The following EYS variants were observed in gnomAD, a reference collection of about 807,000 sequenced individuals.
The protein encoded by EYS is protein eyes shut homolog.
A neutral mutation model predicts 282.1 loss-of-function variants in EYS; 250 were observed. The observed-to-expected ratio is 0.89, with a 90% CI of 0.80 to 0.98. The LOEUF (loss-of-function observed/expected upper bound fraction) is 0.98. Among genes scored for constraint, EYS ranks in the 50% least tolerant of loss-of-function variants. The pLI, the probability that EYS is intolerant of heterozygous loss-of-function variation, is 0.00. For synonymous variants in EYS, 1,355 were observed against 1,282.9 expected (o/e 1.06, Z -1.20); for missense variants, 4,016 against 3,709.0 (o/e 1.08, Z -2.15).
intron 26 of EYS, among the ~76,000 whole-genome samples, chr6:64,473,538 C>T (rs1327706277): frequency 6.6e-6 from 1 of 152,004 alleles, no homozygotes; most frequent in East Asian, 1.9e-4. Flanking sequence ...AATCTTTAAG[C>T]CATTTACAAA....
chr6:63,725,416 C>T (rs959830290), intron 42 of EYS, among the ~76,000 whole-genome samples: 2 of 152,114 alleles, frequency 1.3e-5, no homozygotes, highest in Admixed American at 6.5e-5. Context: ...TTTCTGCCCT[C>T]TTACATAGGT....
At chr6:64,947,392 G>A (rs141972672) in intron 14 of EYS, among the ~76,000 whole-genome samples, 42 of 151,890 alleles carry the variant, frequency 2.8e-4, no homozygotes, top group African/African-American at 1.0e-3. Context: ...CTGTGCTTTG[G>A]TTGAACAGGG....
At chr6:65,653,153 T>G (rs1382283279) in intron 1 of EYS, among the ~76,000 whole-genome samples, 1 of 151,926 alleles carries the variant, frequency 6.6e-6, no homozygotes, top group African/African-American at 2.4e-5. Context: ...AAATACCCTG[T>G]GTTTTCTATT....
chr6:64,041,309 A>G (rs371309570), intron 33 of EYS, among the ~76,000 whole-genome samples: 1 of 152,168 alleles, frequency 6.6e-6, no homozygotes, highest in Admixed American at 6.5e-5. Flanking sequence ...GTAGACTAAA[A>G]TAGTTGCAGT....
In EYS at chr6:64,945,805, T is replaced by C; in HGVS notation, c.2369A>G (p.Tyr790Cys). The C allele has an allele frequency of 2.6e-6, 4 of 1,549,416 alleles. No homozygotes were observed. Among genetic ancestry groups the C allele is most frequent in the Non-Finnish European group, 3.5e-6 (4 of 1,145,576 alleles). ...ATATGTTACTCACCGATAGCTTTTG[T>C]AAAGGTCAGTACAGGTGGAATTGTT... is the stretch of plus-strand genomic sequence containing the variant. The part of the protein sequence containing the change: ...CKNNSTCTDL[Y>C]KSYRCECTSG... The change falls in exon 15 of 43, where the codon TAC becomes TGC. Residue 790 changes from tyrosine (Y) to cysteine (C), a missense_variant. Physicochemically the swap from Tyr to Cys is radical, Grantham distance 194. Coordinates refer to ENST00000503581, the MANE Select transcript of EYS (RefSeq NM_001142800.2).
intron 2 of EYS, among the ~76,000 whole-genome samples, chr6:65,599,098 C>T (rs1765522540): frequency 6.6e-6 from 1 of 151,992 alleles, no homozygotes; most frequent in East Asian, 1.9e-4. Flanking sequence ...TTGTGGAAAT[C>T]ATGGACAAAA....
At chr6:64,890,528 AG>A (rs1174969930) in intron 18 of EYS, among the ~76,000 whole-genome samples, 3 of 152,136 alleles carry the variant, frequency 2.0e-5, no homozygotes, top group Non-Finnish European at 4.4e-5. Context: ...AAAATAGAAA[AG>A]AACCTACGTG....
intron 35 of EYS, among the ~76,000 whole-genome samples, chr6:63,926,800 G>GCT (rs766421837): frequency 5.9e-4 from 90 of 152,296 alleles, no homozygotes; most frequent in Non-Finnish European, 1.0e-3. Context: ...GTTACTTATT[G>GCT]CTGTCATTAC....
intron 22 of EYS, among the ~76,000 whole-genome samples, chr6:64,680,462 CTG>C (rs1167474231): frequency 5.9e-5 from 9 of 152,298 alleles, no homozygotes; most frequent in Non-Finnish European, 7.3e-5. Flanking sequence ...TTCCAGCTGA[CTG>C]TGTTGGAATC....
chr6:65,268,665 C>T (rs1274760909), intron 12 of EYS, among the ~76,000 whole-genome samples: 1 of 151,870 alleles, frequency 6.6e-6, no homozygotes, highest in African/African-American at 2.4e-5. Context: ...GCAACTATAT[C>T]GAAATTGGAA....
At chr6:64,889,440 T>A (rs1767208213) in intron 18 of EYS, among the ~76,000 whole-genome samples, 1 of 152,018 alleles carries the variant, frequency 6.6e-6, no homozygotes, top group Non-Finnish European at 1.5e-5. Context: ...TTTTCAATTA[T>A]GATTTCCTTC....
At chr6:64,561,971 G>C (rs542779503) in intron 26 of EYS, among the ~76,000 whole-genome samples, 1 of 147,122 alleles carries the variant, frequency 6.8e-6, no homozygotes, top group African/African-American at 2.5e-5. Flanking sequence ...GAACAAAACT[G>C]GAAGCATTCT....
chr6:65,283,794 G>A (rs553418069), intron 12 of EYS, among the ~76,000 whole-genome samples: 1 of 151,844 alleles, frequency 6.6e-6, no homozygotes, highest in East Asian at 1.9e-4. Flanking sequence ...ATACTTTTCA[G>A]TGTCAATATT....
rs192791651 is a variant in EYS at position 64,916,641 on chromosome 6, A to G, written c.2382-3898T>C. Among the ~76,000 whole-genome samples, 22 of 152,302 alleles carry G rather than the reference A, an allele frequency of 1.4e-4. No homozygotes were observed. In the East Asian group the frequency reaches 4.1e-3, roughly 28 times the overall value. ...ATGAAATAATTTCAGGATTTAGTGG[A>G]ACCAGGCAGATATTTTCAAACTCAC... On this transcript the variant is annotated intron_variant, in intron 15 of 42. Transcript: ENST00000503581.
At chr6:65,059,482 T>C (rs536146630) in intron 12 of EYS, among the ~76,000 whole-genome samples, 2 of 152,266 alleles carry the variant, frequency 1.3e-5, no homozygotes, top group East Asian at 3.9e-4. Flanking sequence ...GTTAGTCTCC[T>C]ACCCTCCTAC....
intron 22 of EYS, among the ~76,000 whole-genome samples, chr6:64,780,763 T>C (rs1773834988): frequency 6.6e-6 from 1 of 152,184 alleles, no homozygotes; most frequent in Admixed American, 6.5e-5. Context: ...ATGAAATTTA[T>C]AAAATAATTA....
chr6:65,353,722 A>G lies in EYS; in HGVS notation c.1300-105T>C, dbSNP rs1425282554. 7 of 896,864 alleles carry G rather than the reference A, an allele frequency of 7.8e-6. No homozygotes were observed. In the African/African-American group the frequency reaches 1.0e-4, roughly 13 times the overall value. 55.6% of individuals were successfully genotyped at this position (896,864 alleles called of 1,614,324 possible). A position where few individuals can be genotyped will look rare whatever the true frequency, so the allele number is the denominator to read the frequency against. ...ATTTTTAAAACCACAGTGATTATAG[A>G]AAACTTTATGGGACACACTTTTTAT... is the stretch of plus-strand genomic sequence containing the variant. On this transcript the variant is annotated intron_variant, in intron 8 of 42. Transcript: ENST00000503581.
rs112729814 is a variant in EYS, at chr6:64,353,939, T to A, written c.6078+34751A>T. On this transcript the variant is annotated intron_variant, in intron 29 of 42. Transcript: ENST00000503581. ...AAAATATGGTTTATTAGAAGTAAAT[T>A]TGTAAATACAAAGAACAGCAACTGG... is the stretch of plus-strand genomic sequence containing the variant. Among the ~76,000 whole-genome samples, 36 of 151,592 alleles carry A rather than the reference T, an allele frequency of 2.4e-4. No individual in the cohort carries two copies. The East Asian group carries it at 6.3e-3, about 26-fold the overall frequency.
intron 30 of EYS, among the ~76,000 whole-genome samples, chr6:64,294,541 T>G (rs1768834883): frequency 6.6e-6 from 1 of 152,210 alleles, no homozygotes; most frequent in South Asian, 2.1e-4. Flanking sequence ...ACATGTCGTC[T>G]TCCAAGGACC....
Sources: allele counts gnomAD v4.1 joint callset (sites outside exome capture counted in the v4.1 genomes callset), GRCh38; gene constraint gnomAD v4.1.1; transcripts MANE v1.5; gene names NCBI Gene and HGNC (gene_info 2026-07-23, HGNC 2026-07-21).